The following VAV1 variants were observed in gnomAD, a reference collection of about 807,000 sequenced individuals.
VAV1 encodes the protein proto-oncogene vav.
In VAV1, 33 loss-of-function variants were observed where a neutral mutation model predicts 128.1. The observed-to-expected ratio is 0.26, with a 90% CI of 0.20 to 0.34. VAV1 has a LOEUF of 0.34. Among genes scored for constraint, VAV1 ranks in the 10% least tolerant of loss-of-function variants. The pLI, the probability that VAV1 is intolerant of heterozygous loss-of-function variation, is 1.00. For synonymous variants in VAV1, 394 were observed against 409.8 expected (o/e 0.96, Z 0.47); for missense variants, 715 against 1,093.7 (o/e 0.65, Z 4.88).
Position 6,798,994 on chromosome 19 carries a change from G to A in VAV1, c.205-21708G>A, listed in dbSNP as rs144766463. Among the ~76,000 whole-genome samples the A allele has an allele frequency of 7.1e-3, 1,028 of 144,738 alleles. 17 individuals are homozygous for A. Among genetic ancestry groups the A allele is most frequent in the African/African-American group, 0.025 (983 of 38,960 alleles). The allele number at this position is 144,738 out of a possible 152,430, so 95.0% of individuals were successfully genotyped here. ...CACTGTCGATTAGTTTGTATTTCCTGGAGTTTTATGTAAGTGGAATGGTAC... is the reference window on the plus strand; with the variant it reads ...CACTGTCGATTAGTTTGTATTTCCTAGAGTTTTATGTAAGTGGAATGGTAC... On this transcript the variant is annotated intron_variant, in intron 1 of 26. Coordinates refer to ENST00000602142, the MANE Select transcript of VAV1 (RefSeq NM_005428.4).
At chr19:6,818,158 T>C (rs190821258) in intron 1 of VAV1, among the ~76,000 whole-genome samples, 1 of 152,222 alleles carries the variant, frequency 6.6e-6, no homozygotes, top group Non-Finnish European at 1.5e-5. Flanking sequence ...CTCCCTGTGT[T>C]GACCAGGCTG....
chr19:6,809,065 GA>G (rs889218724), intron 1 of VAV1, among the ~76,000 whole-genome samples: 2 of 137,744 alleles, frequency 1.5e-5, no homozygotes, highest in African/African-American at 5.5e-5. Flanking sequence ...TGAAGACTTA[GA>G]ATCTACCTCT....
intron 1 of VAV1, among the ~76,000 whole-genome samples, chr19:6,776,922 T>A (rs1326321024): frequency 6.6e-6 from 1 of 152,048 alleles, no homozygotes; most frequent in African/African-American, 2.4e-5. Flanking sequence ...CACGCCCGGC[T>A]AATTTTATAT....
At chr19:6,843,812 T>G (rs1455503448) in intron 22 of VAV1, among the ~76,000 whole-genome samples, 1 of 152,102 alleles carries the variant, frequency 6.6e-6, no homozygotes, top group African/African-American at 2.4e-5. Context: ...CATGGTTGTT[T>G]TTTTTTTCTT....
chr19:6,821,543 CAG>C, intron 2 of VAV1, 77 bp from the exon 3 acceptor site: 1 of 1,564,534 alleles, frequency 6.4e-7, no homozygotes, highest in Non-Finnish European at 8.8e-7. Flanking sequence ...GCGCCTCAGA[CAG>C]AGCCTTGCAG....
chr19:6,790,339 G>A (rs1208469031), intron 1 of VAV1, among the ~76,000 whole-genome samples: 1 of 152,176 alleles, frequency 6.6e-6, no homozygotes, highest in Non-Finnish European at 1.5e-5. Context: ...ATGCCCTCTT[G>A]AGGGAGGGGG....
chr19:6,845,088 A>G (rs1032872449), intron 22 of VAV1, among the ~76,000 whole-genome samples: 12 of 152,074 alleles, frequency 7.9e-5, no homozygotes, highest in Non-Finnish European at 1.6e-4. Flanking sequence ...TTTAAAATTG[A>G]GGTGAAATTC....
chr19:6,789,894 G>C (rs117470610), intron 1 of VAV1, among the ~76,000 whole-genome samples: 2 of 152,188 alleles, frequency 1.3e-5, no homozygotes, highest in Non-Finnish European at 2.9e-5. Context: ...CACTGCACCT[G>C]GCCTTATTTT....
intron 23 of VAV1, among the ~76,000 whole-genome samples, chr19:6,849,742 G>A (rs577921911): frequency 6.6e-5 from 10 of 152,210 alleles, no homozygotes; most frequent in East Asian, 5.8e-4. Flanking sequence ...GTGCATCCAC[G>A]CTGCTGCAAT....
At chr19:6,799,136 C>A (rs540281174) in intron 1 of VAV1, among the ~76,000 whole-genome samples, 1 of 152,088 alleles carries the variant, frequency 6.6e-6, no homozygotes, top group Admixed American at 6.6e-5. Flanking sequence ...GTTTGTTTAT[C>A]CATTCATCCC....
chr19:6,793,266 G>A (rs974083812), intron 1 of VAV1, among the ~76,000 whole-genome samples: 8 of 152,032 alleles, frequency 5.3e-5, no homozygotes, highest in African/African-American at 1.7e-4. Context: ...CCTGGGAGGC[G>A]GAGCTTGCAG....
intron 1 of VAV1, among the ~76,000 whole-genome samples, chr19:6,788,399 G>C (rs1350213642): frequency 6.7e-6 from 1 of 148,916 alleles, no homozygotes. Context: ...TTGAGACTGA[G>C]TCTTGCTCTG....
chr19:6,808,695 A>AG lies in VAV1; in HGVS notation c.205-12006dup, dbSNP rs1422182689. 2.6e-5 allele frequency among the ~76,000 whole-genome samples: 4 copies of AG among 152,324 alleles called. No individual in the cohort carries two copies. In the East Asian group the frequency reaches 7.7e-4, roughly 29 times the overall value. On this transcript the variant is annotated intron_variant, in intron 1 of 26. Coordinates refer to ENST00000602142, the MANE Select transcript of VAV1 (RefSeq NM_005428.4). Reference sequence around the variant, plus strand: ...ATGCAACCTGGAATTGCACATTATCAGTTAGCTTTTGCTGTGTAACAAACA... The same window carrying AG: ...ATGCAACCTGGAATTGCACATTATCAGGTTAGCTTTTGCTGTGTAACAAACA...
chr19:6,780,549 G>GGTTT (rs1970746357), intron 1 of VAV1, among the ~76,000 whole-genome samples: 1 of 118,024 alleles, frequency 8.5e-6, no homozygotes, highest in Admixed American at 7.7e-5. Flanking sequence ...TTAAAAGATT[G>GGTTT]CCTTCTCCTT....
At position 6,838,435 on chromosome 19, in the gene VAV1, CCA is replaced by C. The variant is rs1386332085; in HGVS notation, c.1980+1386_1980+1387del. 7.1e-4 allele frequency among the ~76,000 whole-genome samples: 99 copies of C among 140,156 alleles called. No individual in the cohort carries two copies. In the East Asian group the frequency reaches 0.016, roughly 22 times the overall value. The allele number at this position is 140,156 out of a possible 152,430, so 91.9% of individuals were successfully genotyped here. A position where few individuals can be genotyped will look rare whatever the true frequency, so the allele number is the denominator to read the frequency against. On this transcript the variant is annotated intron_variant, in intron 21 of 26. Coordinates refer to ENST00000602142, the MANE Select transcript of VAV1 (RefSeq NM_005428.4). ...TCCATCCATCCATCCATCCATCCAT[CCA>C]TCTATCATCTATCTACTTATCAATA...
intron 15 of VAV1, among the ~76,000 whole-genome samples, chr19:6,832,426 C>T (rs1208197486): frequency 1.3e-5 from 2 of 151,910 alleles, no homozygotes; most frequent in Non-Finnish European, 1.5e-5. Context: ...TCCTTTCCTC[C>T]TCCTCTTTCT....
intron 1 of VAV1, among the ~76,000 whole-genome samples, chr19:6,780,438 G>C (rs1385686323): frequency 1.3e-5 from 2 of 150,822 alleles, no homozygotes; most frequent in East Asian, 3.9e-4. Context: ...CATAAACCTA[G>C]AGGGTACAGC....
chr19:6,819,076 A>T (rs920089667), intron 1 of VAV1, among the ~76,000 whole-genome samples: 2 of 152,140 alleles, frequency 1.3e-5, no homozygotes, highest in Admixed American at 6.6e-5. Flanking sequence ...AGATGGCACC[A>T]TTGCACTCCA....
chr19:6,857,153 C>G lies in VAV1; in HGVS notation c.*46C>G. ...AGACGAGAAACTCCAGGCTCTGAGC[C>G]CGGCGTGGGCAGGCAGCGGAGCCAG... On this transcript the variant is annotated 3_prime_UTR_variant, in exon 27 of 27. Coordinates refer to ENST00000602142, the MANE Select transcript of VAV1 (RefSeq NM_005428.4). 1 of 1,612,470 alleles carries G rather than the reference C, an allele frequency of 6.2e-7. No individual in the cohort carries two copies. The highest frequency in any genetic ancestry group is 8.5e-7 in the Non-Finnish European group (1 of 1,179,564).
Sources: allele counts gnomAD v4.1 joint callset (sites outside exome capture counted in the v4.1 genomes callset), GRCh38; gene constraint gnomAD v4.1.1; transcripts MANE v1.5; gene names NCBI Gene and HGNC (gene_info 2026-07-23, HGNC 2026-07-21).